EIF4A1: variants seen among roughly 807,000 people sequenced by gnomAD.
EIF4A1 encodes the protein eukaryotic initiation factor 4A-I.
Under a neutral mutation model 53.5 loss-of-function variants are expected in EIF4A1, and 11 were observed. The ratio of observed to expected loss-of-function variants is 0.21; its 90% confidence interval spans 0.13 to 0.34. EIF4A1 has a LOEUF of 0.34. Ranked by LOEUF, EIF4A1 falls within the 10% of genes least tolerant of loss-of-function variation. The pLI is 1.00. For missense variants in EIF4A1, 213 were observed against 530.8 expected, an observed-to-expected ratio of 0.40 and a Z score of 5.88; for synonymous variants, 237 against 186.7, an observed-to-expected ratio of 1.27 and a Z score of -2.20.
At chr17:7,573,926 T>C (rs2071363585) in intron 1 of EIF4A1, 1 of 306,834 alleles carries the variant, frequency 3.3e-6, no homozygotes, top group Non-Finnish European at 6.2e-6. Flanking sequence ...TGCACGCGCT[T>C]GGGCTTTAAG....
Position 7,578,547 on chromosome 17 carries a change from G to A in EIF4A1, c.*61G>A. ...AATCTCTGGGGGCTGAGGAGCAGCA[G>A]GAGGGGGGAGGGAAGGGAGCCAAGG... is the stretch of plus-strand genomic sequence containing the variant. On this transcript the variant is annotated 3_prime_UTR_variant, in exon 11 of 11. Coordinates refer to ENST00000293831, the MANE Select transcript of EIF4A1 (RefSeq NM_001416.4). 1 of 1,487,344 alleles carries A rather than the reference G, an allele frequency of 6.7e-7. No homozygotes were observed. Among genetic ancestry groups the A allele is most frequent in the African/African-American group, 1.4e-5 (1 of 71,378 alleles). 92.1% of individuals were successfully genotyped at this position (1,487,344 alleles called of 1,614,324 possible). A position where few individuals can be genotyped will look rare whatever the true frequency, so the allele number is the denominator to read the frequency against.
intron 9 of EIF4A1, 44 bp from the exon 10 acceptor site, chr17:7,578,121 G>A: frequency 6.2e-7 from 1 of 1,613,294 alleles, no homozygotes; most frequent in Non-Finnish European, 8.5e-7. Flanking sequence ...CCGGGATAGA[G>A]TGTCCTCCGT....
chr17:7,573,241 G>C, intron 1 of EIF4A1: 1 of 388,132 alleles, frequency 2.6e-6, no homozygotes. Context: ...TCCCTGTGCC[G>C]GGGGAGGGAC....
Position 7,577,293 on chromosome 17 carries a change from C to T in EIF4A1, c.625-51C>T, listed in dbSNP as rs770895700. On this transcript the variant is annotated intron_variant, in intron 6 of 10. Transcript: ENST00000293831. The surrounding 1 kb of genome is among the most constrained non-coding windows in gnomAD (Gnocchi z 4.7). The stretch of plus-strand genomic sequence containing the variant: ...TTTTAGGTGTGGCTAGGGAAGGGAG[C>T]AGGCCTCAGGAAGGAACCAGCACTC... The T allele has an allele frequency of 2.5e-6, 4 of 1,605,206 alleles. No homozygotes were observed. In the Admixed American group the frequency reaches 6.8e-5, roughly 27 times the overall value.
At position 7,577,519 on chromosome 17, in the gene EIF4A1, G is replaced by T. The variant is rs755950697; in HGVS notation, c.768+32G>T. On this transcript the variant is annotated intron_variant, in intron 7 of 10. Transcript: ENST00000293831. This position sits in a 1 kb window ranked among gnomAD's most constrained non-coding sequence, Gnocchi z 4.7. ...CCCAGTGCAGGAGGCGGGCCTGGTA[G>T]TGAGTTGTTGGGTATAGCCCCTGAC... 1 of 1,613,724 alleles carries T rather than the reference G, an allele frequency of 6.2e-7. No homozygotes were observed. The highest frequency in any genetic ancestry group is 1.7e-5 in the Admixed American group (1 of 60,000).
chr17:7,575,485 G>T, intron 4 of EIF4A1: 1 of 692,686 alleles, frequency 1.4e-6, no homozygotes, highest in South Asian at 1.6e-5. Flanking sequence ...GTGAAGCCTG[G>T]CTGGCTGGGC....
In EIF4A1 at chr17:7,577,206, A is replaced by G. The variant is rs2071414243; in HGVS notation, c.624+41A>G. On this transcript the variant is annotated intron_variant, in intron 6 of 10. Coordinates refer to ENST00000293831, the MANE Select transcript of EIF4A1 (RefSeq NM_001416.4). The surrounding 1 kb of genome is among the most constrained non-coding windows in gnomAD (Gnocchi z 4.7). Reference sequence around the variant, plus strand: ...CTTGAATAGCTAATGATTCTTGAAAAATAGTAAGTGCCAGGGGAACCATAT... The same window carrying G: ...CTTGAATAGCTAATGATTCTTGAAAGATAGTAAGTGCCAGGGGAACCATAT... The G allele has an allele frequency of 2.9e-5, 45 of 1,567,714 alleles. No individual in the cohort carries two copies. Among genetic ancestry groups the G allele is most frequent in the Non-Finnish European group, 3.5e-5 (41 of 1,161,134 alleles).
Position 7,576,983 on chromosome 17 carries a change from A to G in EIF4A1, c.515-73A>G, listed in dbSNP as rs1487306037. 5 of 1,560,604 alleles carry G rather than the reference A, an allele frequency of 3.2e-6. 1 individual carries two copies. In the South Asian group the frequency reaches 5.6e-5, roughly 18 times the overall value. ...ACTTGGCTCCTCTCTGTTTTTTATC[A>G]GCGAAGTTGGATATATCTCTCCCAC... On this transcript the variant is annotated intron_variant, in intron 5 of 10. Transcript: ENST00000293831.
At position 7,577,336 on chromosome 17, in the gene EIF4A1, T is replaced by C. The variant is rs1171657859; in HGVS notation, c.625-8T>C. On this transcript the variant is annotated splice_region_variant and splice_polypyrimidine_tract_variant and intron_variant, in intron 6 of 10. Transcript: ENST00000293831. The surrounding 1 kb of genome is among the most constrained non-coding windows in gnomAD (Gnocchi z 4.7). ...CAGCACTCTAAGACTGGCCTTTTTT[T>C]CCACTAGGTAGTTTTGCTGTCAGCC... The C allele has an allele frequency of 1.9e-6, 3 of 1,613,934 alleles. No individual in the cohort carries two copies. The highest frequency in any genetic ancestry group is 2.5e-6 in the Non-Finnish European group (3 of 1,179,940).
rs746267512 is a variant in EIF4A1 at position 7,578,336 on chromosome 17, T to C, written c.1077-6T>C. 3.5e-5 allele frequency: 56 copies of C among 1,612,568 alleles called. No homozygotes were observed. In the East Asian group the frequency reaches 1.2e-3, roughly 36 times the overall value. ...GATATTCCTCATCCCCTTCCTTGTTTTCCAGAATCGGTCGAGGTGGACGGT... is the reference window on the plus strand; with the variant it reads ...GATATTCCTCATCCCCTTCCTTGTTCTCCAGAATCGGTCGAGGTGGACGGT... On this transcript the variant is annotated splice_polypyrimidine_tract_variant and splice_region_variant and intron_variant, in intron 10 of 10. Coordinates refer to ENST00000293831, the MANE Select transcript of EIF4A1 (RefSeq NM_001416.4).
At chr17:7,576,310 G>T in intron 4 of EIF4A1, 1 of 505,602 alleles carries the variant, frequency 2.0e-6, no homozygotes, top group South Asian at 3.8e-5. Flanking sequence ...TGTACACTCA[G>T]GAACCAGACT....
In EIF4A1 at chr17:7,578,685, C is replaced by G; in HGVS notation, c.*199C>G. Reference sequence around the variant, plus strand: ...CTTTGGGGTAGGCTCTTGCCCCAGGCGCCGGCTCTTCTCCCAAAAAAAAAA... The same window carrying G: ...CTTTGGGGTAGGCTCTTGCCCCAGGGGCCGGCTCTTCTCCCAAAAAAAAAA... On this transcript the variant is annotated 3_prime_UTR_variant, in exon 11 of 11. Coordinates refer to ENST00000293831, the MANE Select transcript of EIF4A1 (RefSeq NM_001416.4). The G allele has an allele frequency of 2.3e-6, 1 of 444,378 alleles. No individual in the cohort carries two copies. The highest frequency in any genetic ancestry group is 3.7e-6 in the Non-Finnish European group (1 of 272,198). 27.5% of individuals were successfully genotyped at this position (444,378 alleles called of 1,614,324 possible). A position where few individuals can be genotyped will look rare whatever the true frequency, so the allele number is the denominator to read the frequency against.
At position 7,577,027 on chromosome 17, in the gene EIF4A1, T is replaced by C. The variant is rs753183356; in HGVS notation, c.515-29T>C. On this transcript the variant is annotated intron_variant, in intron 5 of 10. Transcript: ENST00000293831. The surrounding 1 kb of genome is among the most constrained non-coding windows in gnomAD (Gnocchi z 4.7). ...CTCCCACATTTCCCTAATCATATGC[T>C]ATATATTGGCTTTTTTTTTCTTCTC... 1.2e-6 allele frequency: 2 copies of C among 1,611,948 alleles called. No individual in the cohort carries two copies. Among genetic ancestry groups the C allele is most frequent in the East Asian group, 4.5e-5 (2 of 44,870 alleles).
intron 3 of EIF4A1, 99 bp from the exon 4 acceptor site, chr17:7,575,020 C>A: frequency 6.7e-7 from 1 of 1,497,292 alleles, no homozygotes; most frequent in Non-Finnish European, 9.1e-7. Flanking sequence ...CCATGAAATG[C>A]TTGGTTCATT....
rs1402367066 is a variant in EIF4A1 at position 7,578,730 on chromosome 17, C to A, written c.*244C>A. On this transcript the variant is annotated 3_prime_UTR_variant, in exon 11 of 11. Transcript: ENST00000293831. ...AAAAAAAAAAAACACTAATCCATTT[C>A]CCTAACCTAGTAACCTCCAGATCCC... is the stretch of plus-strand genomic sequence containing the variant. 2 of 341,774 alleles carry A rather than the reference C, an allele frequency of 5.9e-6. No individual in the cohort carries two copies. Among genetic ancestry groups the A allele is most frequent in the East Asian group, 1.0e-4 (2 of 19,598 alleles). The allele number at this position is 341,774 out of a possible 1,614,324, so 21.2% of individuals were successfully genotyped here. A position where few individuals can be genotyped will look rare whatever the true frequency, so the allele number is the denominator to read the frequency against.
At chr17:7,575,716 G>A (rs2071392063) in intron 4 of EIF4A1, 2 of 286,998 alleles carry the variant, frequency 7.0e-6, no homozygotes, top group South Asian at 6.9e-5. Flanking sequence ...ATGTTCTGTG[G>A]CAGGGGCAGT....
Position 7,575,243 on chromosome 17 carries a change from A to C in EIF4A1, c.330A>C (p.Arg110=). 1 of 1,614,056 alleles carries C rather than the reference A, an allele frequency of 6.2e-7. No homozygotes were observed. Among genetic ancestry groups the C allele is most frequent in the Non-Finnish European group, 8.5e-7 (1 of 1,180,026 alleles). The change falls in exon 4 of 11, where the codon CGA becomes CGC. Residue 110 remains arginine (R), a synonymous_variant. Coordinates refer to ENST00000293831, the MANE Select transcript of EIF4A1 (RefSeq NM_001416.4). ...ATQALVLAPT[R]ELAQQIQKVV... ...AGGCCTTGGTCCTAGCACCCACTCG[A>C]GAATTGGCTCAGCAGGTAAGAGTGG...
chr17:7,577,832 A>G lies in EIF4A1; in HGVS notation c.912A>G (p.Gly304=). The G allele has an allele frequency of 6.2e-7, 1 of 1,614,166 alleles. No individual in the cohort carries two copies. The highest frequency in any genetic ancestry group is 1.1e-5 in the South Asian group (1 of 91,082). The change falls in exon 9 of 11, where the codon GGA becomes GGG. Residue 304 remains glycine (G), a synonymous_variant. Coordinates refer to ENST00000293831, the MANE Select transcript of EIF4A1 (RefSeq NM_001416.4). The surrounding 1 kb of genome is among the most constrained non-coding windows in gnomAD (Gnocchi z 4.7). The part of the protein sequence containing the change: ...ARDFTVSAMH[G]DMDQKERDVI... ...ATATTTGTTTTCTCTTCCAGCATGG[A>G]GATATGGACCAAAAGGAACGAGACG...
chr17:7,577,241 T>G lies in EIF4A1; in HGVS notation c.624+76T>G. 6.4e-7 allele frequency: 1 copy of G among 1,568,806 alleles called. No homozygotes were observed. The highest frequency in any genetic ancestry group is 8.6e-7 in the Non-Finnish European group (1 of 1,160,008). On this transcript the variant is annotated intron_variant, in intron 6 of 10. Transcript: ENST00000293831. This position sits in a 1 kb window ranked among gnomAD's most constrained non-coding sequence, Gnocchi z 4.7. ...GCCAGGGGAACCATATACTGGATTC[T>G]TGAGCCTTTTTATGCATCTGCTTCA...
Sources: gnomAD v4.1 joint callset for allele counts on GRCh38, gnomAD v4.1.1 for gene constraint, Gnocchi (gnomAD v3.1) non-coding constraint, MANE v1.5 for transcripts, NCBI Gene and HGNC (gene_info 2026-07-23, HGNC 2026-07-21) for gene names.